The following SCHIP1 variants were observed in gnomAD, a reference collection of about 807,000 sequenced individuals.
SCHIP1 encodes schwannomin-interacting protein 1.
SCHIP1 carries 8 observed loss-of-function variants against 29.7 expected under a neutral mutation model. The observed-to-expected ratio is 0.27, with a 90% CI of 0.16 to 0.49. The LOEUF is 0.49. Among genes scored for constraint, SCHIP1 ranks in the 20% least tolerant of loss-of-function variants. The pLI, the probability that SCHIP1 is intolerant of heterozygous loss-of-function variation, is 0.99. For missense variants in SCHIP1, 193 were observed against 294.6 expected (o/e 0.66, Z 2.52); for synonymous variants, 76 against 94.9 (o/e 0.80, Z 1.16).
chr3:159,554,111 C>A, the SCHIP1 span, among the ~76,000 whole-genome samples: 1 of 151,506 alleles, frequency 6.6e-6, no homozygotes, highest in African/African-American at 2.4e-5. Context: ...ACCTCGTGAT[C>A]CGCCCGCCTT....
At chr3:159,758,430 CGT>C in the SCHIP1 span, among the ~76,000 whole-genome samples, 3 of 152,300 alleles carry the variant, frequency 2.0e-5, no homozygotes, top group Non-Finnish European at 4.4e-5. Context: ...GGATTACAGG[CGT>C]GAGCCACCAC....
At chr3:159,719,927 T>A in the SCHIP1 span, among the ~76,000 whole-genome samples, 9 of 152,196 alleles carry the variant, frequency 5.9e-5, no homozygotes, top group African/African-American at 2.2e-4. Flanking sequence ...TAAAGACACA[T>A]GCACACGTAT....
chr3:159,495,887 T>C, the SCHIP1 span, among the ~76,000 whole-genome samples: 31 of 152,254 alleles, frequency 2.0e-4, no homozygotes, highest in African/African-American at 6.7e-4. Context: ...ACCAGCATGG[T>C]ACAGGTACCA....
At chr3:159,863,869 G>A (rs1031898862) in intron 1 of SCHIP1, among the ~76,000 whole-genome samples, 2 of 152,296 alleles carry the variant, frequency 1.3e-5, no homozygotes, top group African/African-American at 4.8e-5. Flanking sequence ...TGTAGCTCTA[G>A]TTTATCAAGA....
the SCHIP1 span, among the ~76,000 whole-genome samples, chr3:159,477,985 T>G: frequency 2.8e-5 from 4 of 143,946 alleles, no homozygotes; most frequent in Admixed American, 2.9e-4. Context: ...TGCAATGGCA[T>G]GATCTTGGCT....
the SCHIP1 span, among the ~76,000 whole-genome samples, chr3:159,742,509 AT>A: frequency 6.6e-6 from 1 of 151,482 alleles, no homozygotes. Flanking sequence ...ACTTATTTTT[AT>A]TTTTTTTGCC....
chr3:159,544,914 G>A, the SCHIP1 span, among the ~76,000 whole-genome samples: 2 of 151,838 alleles, frequency 1.3e-5, no homozygotes, highest in African/African-American at 4.8e-5. Flanking sequence ...AGAAATCTTT[G>A]CCTACTTCAA....
chr3:159,615,035 T>C, the SCHIP1 span, among the ~76,000 whole-genome samples: 18 of 152,158 alleles, frequency 1.2e-4, 1 homozygote, highest in Non-Finnish European at 1.9e-4. Context: ...AAATTCTCCT[T>C]GGTGGTGGTC....
At chr3:159,309,012 G>C in the SCHIP1 span, 1 of 152,036 alleles carries the variant, frequency 6.6e-6, no homozygotes, top group Non-Finnish European at 1.5e-5. Context: ...TGTGGACTAT[G>C]AGAGGGTGGC....
the SCHIP1 span, among the ~76,000 whole-genome samples, chr3:159,833,045 T>C: frequency 6.6e-6 from 1 of 152,220 alleles, no homozygotes; most frequent in Non-Finnish European, 1.5e-5. Flanking sequence ...TTCAGTACTA[T>C]CTTCAGTTTC....
At chr3:159,562,524 C>CT in the SCHIP1 span, among the ~76,000 whole-genome samples, 33 of 152,276 alleles carry the variant, frequency 2.2e-4, no homozygotes, top group African/African-American at 7.7e-4. Flanking sequence ...TACCAGGATC[C>CT]TTTGACACTA....
chr3:159,814,125 G>A, the SCHIP1 span, among the ~76,000 whole-genome samples: 24 of 152,192 alleles, frequency 1.6e-4, no homozygotes, highest in African/African-American at 5.8e-4. Context: ...GCCTGTGGCT[G>A]AGGAGAACTA....
the SCHIP1 span, among the ~76,000 whole-genome samples, chr3:159,397,666 C>G: frequency 1.3e-5 from 2 of 152,224 alleles, no homozygotes; most frequent in African/African-American, 4.8e-5. Flanking sequence ...CTTGAGGAGG[C>G]AGTCTGCCCG....
chr3:159,417,256 A>G, the SCHIP1 span, among the ~76,000 whole-genome samples: 1 of 152,198 alleles, frequency 6.6e-6, no homozygotes, highest in Non-Finnish European at 1.5e-5. Context: ...TAGCACAAGG[A>G]TCTGGAGGAC....
At chr3:159,308,813 C>A in the SCHIP1 span, among the ~76,000 whole-genome samples, 1 of 152,072 alleles carries the variant, frequency 6.6e-6, no homozygotes, top group Non-Finnish European at 1.5e-5. Flanking sequence ...ACATATACAC[C>A]ATGGAATACT....
At chr3:159,765,211 TC>T in the SCHIP1 span, 1 of 1,432,456 alleles carries the variant, frequency 7.0e-7, no homozygotes, top group Non-Finnish European at 9.2e-7. Flanking sequence ...GCACGCCCCC[TC>T]CCTGCGCTCC....
At chr3:159,584,678 G>A in the SCHIP1 span, among the ~76,000 whole-genome samples, 1 of 152,038 alleles carries the variant, frequency 6.6e-6, no homozygotes, top group Non-Finnish European at 1.5e-5. Context: ...CTCAGTGTGT[G>A]GTCCCCTAAC....
the SCHIP1 span, among the ~76,000 whole-genome samples, chr3:159,389,435 T>C: frequency 6.6e-3 from 1,009 of 152,114 alleles, 12 homozygotes; most frequent in African/African-American, 0.023. Flanking sequence ...CTCATCTACA[T>C]AGGGGGAATA....
the SCHIP1 span, among the ~76,000 whole-genome samples, chr3:159,440,156 G>A: frequency 6.6e-6 from 1 of 152,106 alleles, no homozygotes; most frequent in Non-Finnish European, 1.5e-5. Context: ...TATTAAACAG[G>A]GAATCCTTTT....
Sources: allele counts gnomAD v4.1 joint callset (sites outside exome capture counted in the v4.1 genomes callset), GRCh38; gene constraint gnomAD v4.1.1; transcripts MANE v1.5; gene names NCBI Gene and HGNC (gene_info 2026-07-23, HGNC 2026-07-21).